SORCS2: variants seen among roughly 807,000 people sequenced by gnomAD.
SORCS2 encodes VPS10 domain-containing receptor SorCS2.
A neutral mutation model predicts 141.6 loss-of-function variants in SORCS2; 100 were observed. The ratio of observed to expected loss-of-function variants is 0.71; its 90% CI spans 0.60 to 0.83. The LOEUF (loss-of-function observed/expected upper bound fraction) is 0.83. SORCS2 is among the 40% of genes least tolerant of loss of function. The pLI, the probability that SORCS2 is intolerant of heterozygous loss-of-function variation, is 0.00. For synonymous variants in SORCS2, 789 were observed against 676.9 expected, an observed-to-expected ratio of 1.17 and a Z score of -2.57; for missense variants, 1,646 against 1,560.2, an observed-to-expected ratio of 1.05 and a Z score of -0.93.
At position 7,695,940 on chromosome 4, in the gene SORCS2, GTGGA is replaced by G. The variant is rs779120222; in HGVS notation, c.1592-1229_1592-1226del. ...GATGGATGGATTGGTGGGTGGGTGG[GTGGA>G]TGGATGGATGGATGGATGGATGGAT... On this transcript the variant is annotated intron_variant, in intron 11 of 26. Coordinates refer to ENST00000507866, the MANE Select transcript of SORCS2 (RefSeq NM_020777.3). Among the ~76,000 whole-genome samples the G allele has an allele frequency of 4.4e-4, 39 of 88,592 alleles. 2 individuals carry two copies. In the East Asian group the frequency reaches 6.1e-3, roughly 14 times the overall value. 58.1% of individuals were successfully genotyped at this position (88,592 alleles called of 152,430 possible).
At chr4:7,537,155 G>A (rs1444702417) in intron 3 of SORCS2, among the ~76,000 whole-genome samples, 2 of 152,214 alleles carry the variant, frequency 1.3e-5, no homozygotes, top group Non-Finnish European at 2.9e-5. Context: ...TGCACACCGG[G>A]CGCAGTCTGG....
At chr4:7,330,548 G>A (rs550095556) in intron 1 of SORCS2, among the ~76,000 whole-genome samples, 17 of 151,440 alleles carry the variant, frequency 1.1e-4, no homozygotes, top group African/African-American at 3.6e-4. Flanking sequence ...TGGCTGGGGC[G>A]AGTCCTCAGC....
intron 2 of SORCS2, among the ~76,000 whole-genome samples, chr4:7,420,260 G>C (rs1311452450): frequency 6.6e-6 from 1 of 152,236 alleles, no homozygotes; most frequent in African/African-American, 2.4e-5. Context: ...GCAGACTTGA[G>C]TGTCAAGCAG....
chr4:7,630,382 A>G (rs538819470), intron 3 of SORCS2, among the ~76,000 whole-genome samples: 1 of 152,350 alleles, frequency 6.6e-6, no homozygotes, highest in African/African-American at 2.4e-5. Flanking sequence ...AACAAAAAGA[A>G]TGAAGACCCC....
chr4:7,528,489 G>A (rs1168136409), intron 2 of SORCS2, among the ~76,000 whole-genome samples: 5 of 152,084 alleles, frequency 3.3e-5, no homozygotes, highest in Non-Finnish European at 7.4e-5. Context: ...GCAGTGGTGC[G>A]ATCTCAGCTC....
intron 1 of SORCS2, among the ~76,000 whole-genome samples, chr4:7,274,514 T>G (rs957981492): frequency 6.6e-6 from 1 of 152,122 alleles, no homozygotes; most frequent in Non-Finnish European, 1.5e-5. Flanking sequence ...GTACCTCACC[T>G]GGCTGGAGTG....
rs187416560 is a variant in SORCS2, at chr4:7,488,605, C to T, written c.549-42925C>T. Among the ~76,000 whole-genome samples the T allele has an allele frequency of 1.3e-4, 20 of 152,352 alleles. No individual in the cohort carries two copies. The East Asian group carries it at 2.5e-3, about 19-fold the overall frequency. On this transcript the variant is annotated intron_variant, in intron 2 of 26. Coordinates refer to ENST00000507866, the MANE Select transcript of SORCS2 (RefSeq NM_020777.3). ...ACCTTCCCTGCCTCTGTCCCCAGGA[C>T]CTCCTTCCACTCACCAGGACAGGAA...
intron 1 of SORCS2, among the ~76,000 whole-genome samples, chr4:7,349,848 G>A (rs1049512705): frequency 2.6e-5 from 4 of 152,096 alleles, no homozygotes; most frequent in African/African-American, 7.2e-5. Context: ...TGGACATAAC[G>A]CCCCTAGAGC....
At chr4:7,579,130 C>A (rs1416582532) in intron 3 of SORCS2, among the ~76,000 whole-genome samples, 1 of 152,220 alleles carries the variant, frequency 6.6e-6, no homozygotes, top group Non-Finnish European at 1.5e-5. Context: ...CAGACTCACA[C>A]TTGGGGCTGC....
chr4:7,472,823 T>A (rs1021441711), intron 2 of SORCS2, among the ~76,000 whole-genome samples: 1 of 151,898 alleles, frequency 6.6e-6, no homozygotes, highest in Non-Finnish European at 1.5e-5. Flanking sequence ...CTGGTTTGAT[T>A]GGGGCGAGGG....
intron 2 of SORCS2, among the ~76,000 whole-genome samples, chr4:7,468,810 G>A (rs1004372113): frequency 2.0e-5 from 3 of 152,178 alleles, no homozygotes; most frequent in African/African-American, 7.2e-5. Flanking sequence ...ACATTCGGGG[G>A]TTTGGGTCTG....
At chr4:7,244,614 C>T (rs1712953578) in intron 1 of SORCS2, among the ~76,000 whole-genome samples, 1 of 152,224 alleles carries the variant, frequency 6.6e-6, no homozygotes, top group South Asian at 2.1e-4. Flanking sequence ...TGGTTCCAAG[C>T]ACTGAGGGCC....
intron 2 of SORCS2, among the ~76,000 whole-genome samples, chr4:7,455,826 G>A (rs191709251): frequency 9.8e-4 from 150 of 152,314 alleles, no homozygotes; most frequent in African/African-American, 3.4e-3. Flanking sequence ...CTGTGTTGGG[G>A]TCATGCTCTG....
intron 1 of SORCS2, among the ~76,000 whole-genome samples, chr4:7,385,139 AGGGTGGGCAG>A (rs1723213763): frequency 6.6e-6 from 1 of 152,252 alleles, no homozygotes; most frequent in African/African-American, 2.4e-5. Context: ...TAGGGTCTGC[AGGGTGGGCAG>A]CGGCATTGGC....
At chr4:7,733,515 C>CTGCA in intron 24 of SORCS2, 94 bp downstream of exon 24, 1 of 1,012,318 alleles carries the variant, frequency 9.9e-7, no homozygotes, top group Non-Finnish European at 1.4e-6. Flanking sequence ...GCAGATGGCC[C>CTGCA]GTATCCCCCT....
chr4:7,665,962 A>C (rs961200373), intron 7 of SORCS2, among the ~76,000 whole-genome samples: 9 of 151,824 alleles, frequency 5.9e-5, no homozygotes, highest in African/African-American at 1.9e-4. Flanking sequence ...CATCTCAGAG[A>C]GGTTAGGAGG....
intron 2 of SORCS2, among the ~76,000 whole-genome samples, chr4:7,401,890 GTTATC>G (rs1724617999): frequency 6.6e-6 from 1 of 152,038 alleles, no homozygotes; most frequent in African/African-American, 2.4e-5. Flanking sequence ...ATTCTTTTTC[GTTATC>G]TTCACTTTAA....
chr4:7,709,642 C>T (rs532769487), intron 14 of SORCS2, among the ~76,000 whole-genome samples: 27 of 152,312 alleles, frequency 1.8e-4, no homozygotes, highest in South Asian at 1.0e-3. Flanking sequence ...GGGGTCTGTA[C>T]GGGAGCTGCC....
chr4:7,599,130 C>T lies in SORCS2; in HGVS notation c.649-39198C>T, dbSNP rs565718672. On this transcript the variant is annotated intron_variant, in intron 3 of 26. Transcript: ENST00000507866. ...TCAAGAGGGAACAAGTCCTTCCTTCCGCAGGCTTCTCATGGCCGCCCTGCA... is the reference window on the plus strand; with the variant it reads ...TCAAGAGGGAACAAGTCCTTCCTTCTGCAGGCTTCTCATGGCCGCCCTGCA... Among the ~76,000 whole-genome samples the T allele has an allele frequency of 1.6e-4, 25 of 152,190 alleles. No individual in the cohort carries two copies. In the East Asian group the frequency reaches 4.3e-3, roughly 26 times the overall value.
Sources: gnomAD v4.1 joint callset for allele counts (sites outside exome capture counted in the v4.1 genomes callset) on GRCh38, gnomAD v4.1.1 for gene constraint, MANE v1.5 for transcripts, NCBI Gene and HGNC (gene_info 2026-07-23, HGNC 2026-07-21) for gene names.